Variants in MICAL3 observed in about 807,000 individuals in gnomAD.
The protein encoded by MICAL3 is [F-actin]-monooxygenase MICAL3.
A neutral mutation model predicts 207.4 loss-of-function variants in MICAL3; 62 were observed. That is an observed-to-expected ratio of 0.30 (90% CI 0.24 to 0.37). MICAL3 has a LOEUF of 0.37. Ranked by LOEUF, MICAL3 falls within the 10% of genes least tolerant of loss-of-function variation. The pLI is 1.00. For synonymous variants in MICAL3, 1,077 were observed against 1,069.3 expected (o/e 1.01, Z -0.14); for missense variants, 2,368 against 2,635.6 (o/e 0.90, Z 2.22).
chr22:17,842,055 A>G, intron 19 of MICAL3, 38 bp from the exon 20 acceptor site: 1 of 1,568,228 alleles, frequency 6.4e-7, no homozygotes, highest in Non-Finnish European at 8.6e-7. Flanking sequence ...CTGAGGTCCA[A>G]CCACAGACGG....
intron 29 of MICAL3, among the ~76,000 whole-genome samples, chr22:17,795,429 A>G (rs895011056): frequency 2.6e-5 from 4 of 152,230 alleles, no homozygotes; most frequent in Non-Finnish European, 5.9e-5. Flanking sequence ...ATACACAACC[A>G]AACACATCCA....
At chr22:17,804,815 C>T (rs2061974102) in intron 29 of MICAL3, among the ~76,000 whole-genome samples, 4 of 152,202 alleles carry the variant, frequency 2.6e-5, no homozygotes, top group Non-Finnish European at 4.4e-5. Flanking sequence ...GAGAGTGACA[C>T]AGCAGACACA....
At chr22:17,912,416 T>C (rs1932203878) in intron 1 of MICAL3, among the ~76,000 whole-genome samples, 1 of 151,970 alleles carries the variant, frequency 6.6e-6, no homozygotes, top group African/African-American at 2.4e-5. Context: ...TTACACTGAA[T>C]GTGTATTGTT....
At chr22:17,873,465 C>T (rs575430801) in intron 16 of MICAL3, among the ~76,000 whole-genome samples, 2 of 152,372 alleles carry the variant, frequency 1.3e-5, no homozygotes, top group South Asian at 4.1e-4. Context: ...TCAGCCCTTT[C>T]TCCCTGCTGA....
intron 1 of MICAL3, among the ~76,000 whole-genome samples, chr22:17,959,377 C>T (rs1569147580): frequency 6.6e-6 from 1 of 151,294 alleles, no homozygotes; most frequent in African/African-American, 2.5e-5. Context: ...TGCAGTGGCG[C>T]AATCTTGGTT....
At chr22:17,877,165 AGGTTAG>A (rs1928693807) in intron 16 of MICAL3, among the ~76,000 whole-genome samples, 2 of 128,126 alleles carry the variant, frequency 1.6e-5, no homozygotes, top group African/African-American at 6.8e-5. Flanking sequence ...GAGGTTATGG[AGGTTAG>A]GGAGGTTAGG....
At position 17,994,791 on chromosome 22, in the gene MICAL3, T is replaced by C. The variant is rs1156779481; in HGVS notation, c.-75+29490A>G. ...GAAGCCTGGGACCCACTAAGGTTTA[T>C]TTCGCCTTTACACAGGAAAAGTCAA... On this transcript the variant is annotated intron_variant, in intron 1 of 31. Coordinates refer to ENST00000441493, the MANE Select transcript of MICAL3 (RefSeq NM_015241.3). Among the ~76,000 whole-genome samples, 5 of 151,854 alleles carry C rather than the reference T, an allele frequency of 3.3e-5. No individual in the cohort carries two copies. In the East Asian group the frequency reaches 5.8e-4, roughly 18 times the overall value.
intron 7 of MICAL3, among the ~76,000 whole-genome samples, chr22:17,897,732 C>T (rs563314854): frequency 2.6e-5 from 4 of 152,016 alleles, no homozygotes; most frequent in Non-Finnish European, 5.9e-5. Context: ...GCTTGAGTGC[C>T]AAAAAGACAT....
chr22:17,865,981 A>G lies in MICAL3; in HGVS notation c.2460T>C (p.Tyr820=). 1 of 1,614,012 alleles carries G rather than the reference A, an allele frequency of 6.2e-7. No individual in the cohort carries two copies. The part of the protein sequence containing the change: ...GKFYCKPHYC[Y]RLSGYAQRKR... ...TCCTTTGTGCGTAGCCAGAGAGTCG[A>G]TAGCAGTAGTGTGGCTTACAGTAGA... is the stretch of plus-strand genomic sequence containing the variant. The change falls in exon 18 of 32, where the codon TAT becomes TAC. Residue 820 remains tyrosine (Y), a synonymous_variant. Transcript: ENST00000441493.
intron 1 of MICAL3, among the ~76,000 whole-genome samples, chr22:17,935,670 A>G (rs979973794): frequency 2.6e-5 from 4 of 152,226 alleles, no homozygotes; most frequent in African/African-American, 9.6e-5. Flanking sequence ...AAATTTTTGC[A>G]ATCTACCCAT....
chr22:17,923,035 G>A (rs922423384), intron 1 of MICAL3, among the ~76,000 whole-genome samples: 1 of 151,974 alleles, frequency 6.6e-6, no homozygotes, highest in Admixed American at 6.5e-5. Context: ...GCTGATTCCC[G>A]CTGACCCCTG....
At chr22:17,953,227 A>G (rs958701871) in intron 1 of MICAL3, among the ~76,000 whole-genome samples, 1 of 152,172 alleles carries the variant, frequency 6.6e-6, no homozygotes, top group Non-Finnish European at 1.5e-5. Context: ...CTTTACCTGT[A>G]GGGCCTGAAC....
intron 1 of MICAL3, 75 bp from the exon 2 acceptor site, chr22:17,906,961 A>C: frequency 1.3e-6 from 1 of 771,342 alleles, no homozygotes; most frequent in Non-Finnish European, 2.1e-6. Flanking sequence ...ATTCCTCTTC[A>C]AAGCAGAGTT....
intron 22 of MICAL3, among the ~76,000 whole-genome samples, chr22:17,824,093 G>A (rs1018808361): frequency 9.0e-6 from 1 of 110,500 alleles, no homozygotes; most frequent in Admixed American, 7.7e-5. Context: ...CGCACACACC[G>A]TCCCCACCTC....
At chr22:17,848,410 C>T (rs1035821700) in intron 19 of MICAL3, among the ~76,000 whole-genome samples, 3 of 152,196 alleles carry the variant, frequency 2.0e-5, no homozygotes, top group Non-Finnish European at 4.4e-5. Flanking sequence ...CCGAAACATT[C>T]GGAACCATGT....
chr22:17,802,336 A>G (rs1484101569), intron 29 of MICAL3, among the ~76,000 whole-genome samples: 1 of 152,236 alleles, frequency 6.6e-6, no homozygotes, highest in Non-Finnish European at 1.5e-5. Flanking sequence ...AATTGCTGGG[A>G]TAACAGGTGT....
chr22:18,021,955 A>T (rs374182460), intron 1 of MICAL3, among the ~76,000 whole-genome samples: 1 of 152,190 alleles, frequency 6.6e-6, no homozygotes, highest in African/African-American at 2.4e-5. Context: ...TTCTCTACTT[A>T]ACCCAAATGA....
At chr22:17,845,246 C>T (rs1924505968) in intron 19 of MICAL3, among the ~76,000 whole-genome samples, 1 of 152,106 alleles carries the variant, frequency 6.6e-6, no homozygotes, top group Non-Finnish European at 1.5e-5. Context: ...AACTAACAGC[C>T]ATCAATTCAG....
chr22:17,874,268 T>G (rs1329834171), intron 16 of MICAL3, among the ~76,000 whole-genome samples: 1 of 152,112 alleles, frequency 6.6e-6, no homozygotes, highest in Non-Finnish European at 1.5e-5. Context: ...GGCTCTCAGA[T>G]CTAAACCTTC....
Sources: gnomAD v4.1 joint callset for allele counts (sites outside exome capture counted in the v4.1 genomes callset) on GRCh38, gnomAD v4.1.1 for gene constraint, MANE v1.5 for transcripts, NCBI Gene and HGNC (gene_info 2026-07-23, HGNC 2026-07-21) for gene names.